Variants in FHL1 observed in about 807,000 individuals in gnomAD.
FHL1 encodes the protein four and a half LIM domains 1, also known as four and a half LIM domains protein 1.
Under a neutral mutation model 20.3 loss-of-function variants are expected in FHL1, and 1 was observed. That is an observed-to-expected ratio of 0.05 (90% CI 0.02 to 0.23). The LOEUF is 0.23. FHL1 is among the 10% of genes least tolerant of loss of function. The probability of loss-of-function intolerance (pLI) is 1.00; values close to 1 mark genes in which losing one functional copy is unlikely to be tolerated. For missense variants in FHL1, 177 were observed against 234.0 expected, an observed-to-expected ratio of 0.76 and a Z score of 1.59; for synonymous variants, 82 against 88.9, an observed-to-expected ratio of 0.92 and a Z score of 0.44.
At chrX:136,164,798 G>A (rs1363303239), upstream of FHL1, among the ~76,000 whole-genome samples, 1 of 111,894 alleles carries the variant, frequency 8.9e-6, no homozygotes, top group Non-Finnish European at 1.9e-5. Context: ...ATGCAAAGTT[G>A]CATATATTCC....
chrX:136,202,401 T>C (rs1017014098), intron 1 of FHL1, among the ~76,000 whole-genome samples: 1 of 109,833 alleles, frequency 9.1e-6, no homozygotes, highest in Non-Finnish European at 1.9e-5. Flanking sequence ...TCTTCATTTT[T>C]CCCTATTCTC....
At position 136,206,494 on chromosome X, in the gene FHL1, A is replaced by G. The variant is rs1187549360; in HGVS notation, c.110A>G (p.Gln37Arg). Reference protein sequence around the residue: ...RDPLQGKKYVQKDGHHCCLKC... With the variant: ...RDPLQGKKYVRKDGHHCCLKC... ...CCCTTGCAGGGGAAGAAGTATGTGC[A>G]AAAGGATGGCCACCACTGCTGCCTG... is the stretch of plus-strand genomic sequence containing the variant. Residue 37 changes from glutamine to arginine, a missense_variant, in exon 2 of 6, where the codon CAA (glutamine) becomes CGA (arginine). By Grantham distance (43) the Gln-to-Arg change is conservative. Coordinates refer to ENST00000370683, the MANE Select transcript of FHL1 (RefSeq NM_001159699.2). 1.7e-6 allele frequency: 2 copies of G among 1,211,363 alleles called. No homozygotes were observed. Among genetic ancestry groups the G allele is most frequent in the African/African-American group, 1.7e-5 (1 of 57,586 alleles).
At chrX:136,194,938 G>A (rs186700519), upstream of FHL1, among the ~76,000 whole-genome samples, 93 of 111,362 alleles carry the variant, frequency 8.4e-4, 1 homozygote, top group African/African-American at 2.9e-3. Flanking sequence ...TTTTAGGAGG[G>A]CACAGTTACC....
At chrX:136,146,887 G>C (rs776251159), upstream of FHL1, 377 of 328,134 alleles carry the variant, frequency 1.1e-3, 1 homozygote, top group Non-Finnish European at 1.8e-3. Flanking sequence ...AGCTCCCTCC[G>C]GCTTGCTACT....
chrX:136,208,036 A>C, intron 4 of FHL1, 75 bp downstream of exon 4: 1 of 1,073,366 alleles, frequency 9.3e-7, no homozygotes, highest in Non-Finnish European at 1.3e-6. Context: ...ACTTCCACAC[A>C]CACTATCCCA....
chrX:136,155,107 TTGTATC>T, intron 1 of FHL1, among the ~76,000 whole-genome samples: 1 of 112,317 alleles, frequency 8.9e-6, no homozygotes, highest in East Asian at 2.8e-4. Context: ...CATTCTCTCT[TTGTATC>T]TGTTTCACTC....
chrX:136,166,834 A>G (rs1200719641), upstream of FHL1, among the ~76,000 whole-genome samples: 3 of 112,583 alleles, frequency 2.7e-5, no homozygotes, highest in Non-Finnish European at 5.6e-5. Context: ...TTTGCCTGCT[A>G]TAATAATAGT....
At chrX:136,204,265 T>C (rs2073785618) in intron 1 of FHL1, among the ~76,000 whole-genome samples, 1 of 112,720 alleles carries the variant, frequency 8.9e-6, no homozygotes, top group Admixed American at 9.3e-5. Flanking sequence ...CAAGTCTTTG[T>C]TGAGGGCACA....
At chrX:136,167,921 C>A (rs770093501), upstream of FHL1, 18 of 112,252 alleles carry the variant, frequency 1.6e-4, no homozygotes, top group Middle Eastern at 9.1e-3. Context: ...TTTGACGCTT[C>A]AGTTGGATTG....
chrX:136,202,924 C>T (rs890401215), intron 1 of FHL1, among the ~76,000 whole-genome samples: 1 of 112,183 alleles, frequency 8.9e-6, no homozygotes, highest in African/African-American at 3.2e-5. Flanking sequence ...CACATCAGCA[C>T]ATCATTCATA....
Position 136,208,651 on chromosome X carries a change from AG to A in FHL1, c.736+11del. The A allele has an allele frequency of 2.5e-6, 3 of 1,204,354 alleles. No individual in the cohort carries two copies. Among genetic ancestry groups the A allele is most frequent in the Non-Finnish European group, 2.2e-6 (2 of 889,519 alleles). On this transcript the variant is annotated intron_variant, in intron 5 of 5. Transcript: ENST00000370683. ...AAGAACCCCATCACTGGTAGGCTAAAGAGTCCTTGCTAAGTCTGCCAGGCTA... is the reference window on the plus strand; with the variant it reads ...AAGAACCCCATCACTGGTAGGCTAAAAGTCCTTGCTAAGTCTGCCAGGCTA...
intron 2 of FHL1, among the ~76,000 whole-genome samples, chrX:136,173,809 C>T (rs1206830581): frequency 9.1e-6 from 1 of 109,734 alleles, no homozygotes; most frequent in Admixed American, 9.7e-5. Flanking sequence ...CGCCATTCTC[C>T]TGCCTCAGCC....
At chrX:136,161,442 TA>T in intron 1 of FHL1, among the ~76,000 whole-genome samples, 1 of 112,295 alleles carries the variant, frequency 8.9e-6, no homozygotes, top group African/African-American at 3.2e-5. Flanking sequence ...GTTTGTTGGG[TA>T]TTAAATGAGA....
chrX:136,210,624 C>T lies in FHL1; in HGVS notation c.*599C>T, dbSNP rs781722571. The T allele has an allele frequency of 3.1e-5, 12 of 388,658 alleles. No homozygotes were observed. Among genetic ancestry groups the T allele is most frequent in the Non-Finnish European group, 5.3e-5 (11 of 206,970 alleles). The allele number at this position is 388,658 out of a possible 1,213,427, so 32.0% of individuals were successfully genotyped here. On this transcript the variant is annotated 3_prime_UTR_variant, in exon 6 of 6. Transcript: ENST00000370683. ...CTGTAATTCTAAACTGACCTTTCCC[C>T]GTACTAACGTTTGGTTTCCCCGTGT... is the stretch of plus-strand genomic sequence containing the variant.
chrX:136,192,008 G>A (rs1001254854), intron 2 of FHL1, among the ~76,000 whole-genome samples: 1 of 112,142 alleles, frequency 8.9e-6, no homozygotes, highest in Non-Finnish European at 1.9e-5. Context: ...TCACAAGTAG[G>A]TGGTAGAAAT....
In FHL1 at chrX:136,150,008, A is replaced by G. The variant is rs185380698; in HGVS notation, c.-101+2380A>G. On this transcript the variant is annotated intron_variant, in intron 1 of 7. Transcript: ENST00000394155. ...AGTAGAATGCAGAAAGTGGTAAAAA[A>G]TCTTTTACAGAGAGAAGCATGTTGA... is the stretch of plus-strand genomic sequence containing the variant. Among the ~76,000 whole-genome samples, 513 of 111,796 alleles carry G rather than the reference A, an allele frequency of 4.6e-3. 5 individuals are homozygous for G. Among genetic ancestry groups the G allele is most frequent in the Non-Finnish European group, 7.7e-3 (408 of 53,154 alleles).
chrX:136,162,783 C>T (rs1434779395), intron 1 of FHL1, among the ~76,000 whole-genome samples: 1 of 111,757 alleles, frequency 8.9e-6, no homozygotes, highest in Non-Finnish European at 1.9e-5. Flanking sequence ...CTCTGCCATA[C>T]AATAGATTCA....
At chrX:136,208,348 A>T in intron 4 of FHL1, 107 bp from the exon 5 acceptor site, 1 of 832,428 alleles carries the variant, frequency 1.2e-6, no homozygotes, top group Non-Finnish European at 1.8e-6. Context: ...TGTGGAGATT[A>T]AATGAGATAT....
chrX:136,152,205 C>T (rs764367534), intron 1 of FHL1, among the ~76,000 whole-genome samples: 1 of 111,683 alleles, frequency 9.0e-6, no homozygotes, highest in Non-Finnish European at 1.9e-5. Flanking sequence ...TACTCATTGT[C>T]TAATTTGATT....
Sources: allele counts gnomAD v4.1 joint callset (sites outside exome capture counted in the v4.1 genomes callset), GRCh38; gene constraint gnomAD v4.1.1; transcripts MANE v1.5; gene names NCBI Gene and HGNC (gene_info 2026-07-23, HGNC 2026-07-21).